Variants in HS2ST1 observed in about 807,000 individuals in gnomAD.
HS2ST1 encodes the protein heparan sulfate 2-O-sulfotransferase 1.
A neutral mutation model predicts 42.9 loss-of-function variants in HS2ST1; 18 were observed. The ratio of observed to expected loss-of-function variants is 0.42; its 90% confidence interval spans 0.29 to 0.62. The LOEUF (loss-of-function observed/expected upper bound fraction) is 0.62. Ranked by LOEUF, HS2ST1 falls within the 20% of genes least tolerant of loss-of-function variation. The pLI is 0.21. For missense variants in HS2ST1, 334 were observed against 433.8 expected (o/e 0.77, Z 2.04); for synonymous variants, 146 against 152.9 (o/e 0.95, Z 0.33).
At chr1:87,017,453 T>C (rs1649793272) in intron 1 of HS2ST1, among the ~76,000 whole-genome samples, 1 of 152,212 alleles carries the variant, frequency 6.6e-6, no homozygotes, top group South Asian at 2.1e-4. Flanking sequence ...TTTTTAAAAT[T>C]ACCATTTTCT....
chr1:86,925,664 G>GC (rs1660402080), intron 1 of HS2ST1, among the ~76,000 whole-genome samples: 1 of 152,174 alleles, frequency 6.6e-6, no homozygotes, highest in Non-Finnish European at 1.5e-5. Context: ...GGAAAGACTT[G>GC]CCCCCATGAT....
chr1:87,090,303 C>G (rs1427458596), intron 3 of HS2ST1, among the ~76,000 whole-genome samples: 2 of 151,984 alleles, frequency 1.3e-5, no homozygotes, highest in Admixed American at 1.3e-4. Flanking sequence ...ATGGTCCCTG[C>G]CCCGGTGGAA....
rs1652348875 is a variant in HS2ST1 at position 87,107,322 on chromosome 1, T to C, written c.*2626T>C. On this transcript the variant is annotated 3_prime_UTR_variant, in exon 7 of 7. Transcript: ENST00000370550. ...GGTGGGCATGGTTTATTTCCCAGTT[T>C]AACAGTTCAGAATAGGGGCATTTAT... 6.6e-6 allele frequency: 1 copy of C among 152,094 alleles called. No individual in the cohort carries two copies. Among genetic ancestry groups the C allele is most frequent in the Admixed American group, 6.6e-5 (1 of 15,246 alleles). The allele number at this position is 152,094 out of a possible 1,614,324, so 9.4% of individuals were successfully genotyped here.
chr1:87,010,201 C>CT (rs1343746706), intron 1 of HS2ST1, among the ~76,000 whole-genome samples: 1 of 152,106 alleles, frequency 6.6e-6, no homozygotes, highest in Non-Finnish European at 1.5e-5. Context: ...CATATTAGGA[C>CT]TGTAATACTG....
At chr1:86,917,025 C>T (rs1203844928) in intron 1 of HS2ST1, among the ~76,000 whole-genome samples, 1 of 152,070 alleles carries the variant, frequency 6.6e-6, no homozygotes, top group Admixed American at 6.5e-5. Flanking sequence ...ATATAAAGTG[C>T]TTTCTTGTGA....
chr1:87,028,414 TA>T (rs1213121608), intron 1 of HS2ST1, among the ~76,000 whole-genome samples: 5 of 152,110 alleles, frequency 3.3e-5, no homozygotes, highest in African/African-American at 4.8e-5. Flanking sequence ...TTTACTGTCT[TA>T]AAAAAAATAA....
chr1:87,100,764 A>C (rs1652178319), intron 5 of HS2ST1, among the ~76,000 whole-genome samples: 1 of 152,124 alleles, frequency 6.6e-6, no homozygotes, highest in South Asian at 2.1e-4. Flanking sequence ...TCTCTACAAA[A>C]CATAAAGTTA....
At position 86,915,007 on chromosome 1, in the gene HS2ST1, G is replaced by A; in HGVS notation, c.-30G>A. 1 of 1,613,310 alleles carries A rather than the reference G, an allele frequency of 6.2e-7. No individual in the cohort carries two copies. Among genetic ancestry groups the A allele is most frequent in the Non-Finnish European group, 8.5e-7 (1 of 1,179,856 alleles). On this transcript the variant is annotated 5_prime_UTR_variant, in exon 1 of 7. Coordinates refer to ENST00000370550, the MANE Select transcript of HS2ST1 (RefSeq NM_012262.4). ...CGGGGTCCCGCTCCCCGCCCCCCGC[G>A]GTATGTCTTGATCCCGAGCAGCGGG... is the stretch of plus-strand genomic sequence containing the variant.
intron 1 of HS2ST1, among the ~76,000 whole-genome samples, chr1:87,052,186 G>A (rs752055844): frequency 2.0e-5 from 3 of 152,140 alleles, no homozygotes; most frequent in African/African-American, 7.2e-5. Flanking sequence ...CTGGGAGGTC[G>A]AGGCTGCAGT....
chr1:87,009,322 G>T (rs1399969368), intron 1 of HS2ST1, among the ~76,000 whole-genome samples: 1 of 152,158 alleles, frequency 6.6e-6, no homozygotes, highest in Non-Finnish European at 1.5e-5. Flanking sequence ...AGTAGGAAAG[G>T]TGAACAGGCT....
chr1:86,937,035 G>A, intron 1 of HS2ST1, among the ~76,000 whole-genome samples: 1 of 151,916 alleles, frequency 6.6e-6, no homozygotes, highest in East Asian at 1.9e-4. Flanking sequence ...AACCCGGGAG[G>A]TGGAGGTTGC....
rs115371295 is a variant in HS2ST1 at position 86,920,371 on chromosome 1, A to G, written c.124+5211A>G. Among the ~76,000 whole-genome samples the G allele has an allele frequency of 8.3e-3, 1,268 of 152,328 alleles. 18 individuals are homozygous for G. The highest frequency in any genetic ancestry group is 0.029 in the African/African-American group (1,192 of 41,572). ...AGTAAGTTCCTGAAACCATGCAGCA[A>G]TACCTGTAAGATGTTCCAGAGAATG... On this transcript the variant is annotated intron_variant, in intron 1 of 6. Transcript: ENST00000370550.
At chr1:86,997,272 C>G (rs1487871312) in intron 1 of HS2ST1, among the ~76,000 whole-genome samples, 1 of 152,096 alleles carries the variant, frequency 6.6e-6, no homozygotes, top group Non-Finnish European at 1.5e-5. Flanking sequence ...AGTTCTCCTT[C>G]AAGTATGGTA....
At chr1:86,919,101 C>T (rs549415490) in intron 1 of HS2ST1, among the ~76,000 whole-genome samples, 9 of 151,850 alleles carry the variant, frequency 5.9e-5, no homozygotes, top group South Asian at 4.1e-4. Context: ...CGTGCCACCA[C>T]GCCCAGGTAA....
chr1:86,938,077 T>C (rs1436564611), intron 1 of HS2ST1, among the ~76,000 whole-genome samples: 1 of 151,944 alleles, frequency 6.6e-6, no homozygotes, highest in Admixed American at 6.5e-5. Context: ...AACATTCATA[T>C]TCTGAAATCC....
At chr1:87,078,493 T>A (rs1651603182) in intron 2 of HS2ST1, among the ~76,000 whole-genome samples, 1 of 152,240 alleles carries the variant, frequency 6.6e-6, no homozygotes, top group African/African-American at 2.4e-5. Flanking sequence ...TATATCTGAC[T>A]ACTACATCTG....
At chr1:86,937,413 T>G (rs1660680143) in intron 1 of HS2ST1, among the ~76,000 whole-genome samples, 1 of 152,212 alleles carries the variant, frequency 6.6e-6, no homozygotes, top group Non-Finnish European at 1.5e-5. Flanking sequence ...GTTAGCTTTT[T>G]GAAGAACATC....
intron 1 of HS2ST1, among the ~76,000 whole-genome samples, chr1:87,059,405 ATGGCATTTGTTACAG>A (rs1651061601): frequency 6.6e-6 from 1 of 152,174 alleles, no homozygotes; most frequent in Admixed American, 6.5e-5. Flanking sequence ...GTTCTTACTT[ATGGCATTTGTTACAG>A]TGGCATTTGT....
At chr1:86,973,409 T>G (rs1648295694) in intron 1 of HS2ST1, among the ~76,000 whole-genome samples, 1 of 152,134 alleles carries the variant, frequency 6.6e-6, no homozygotes, top group Non-Finnish European at 1.5e-5. Context: ...TCTTGTAGTA[T>G]CACCTAATAG....
Sources: allele counts gnomAD v4.1 joint callset (sites outside exome capture counted in the v4.1 genomes callset), GRCh38; gene constraint gnomAD v4.1.1; transcripts MANE v1.5; gene names NCBI Gene and HGNC (gene_info 2026-07-23, HGNC 2026-07-21).